The following CSMD1 variants were observed in gnomAD, a reference collection of about 807,000 sequenced individuals.
CSMD1 encodes the protein CUB and sushi domain-containing protein 1.
A neutral mutation model predicts 417.5 loss-of-function variants in CSMD1; 213 were observed. That is an observed-to-expected ratio of 0.51 (90% CI 0.46 to 0.57). The LOEUF (loss-of-function observed/expected upper bound fraction) is 0.57, where lower values mean the gene tolerates loss of function less well. Among genes scored for constraint, CSMD1 ranks in the 20% least tolerant of loss-of-function variants. The pLI is 0.00. For missense variants in CSMD1, 6,923 were observed against 4,529.7 expected, an observed-to-expected ratio of 1.53 and a Z score of -15.17; for synonymous variants, 2,862 against 1,736.8, an observed-to-expected ratio of 1.65 and a Z score of -16.11.
At chr8:4,951,794 T>A (rs1808766795) in intron 1 of CSMD1, among the ~76,000 whole-genome samples, 1 of 151,816 alleles carries the variant, frequency 6.6e-6, no homozygotes. Flanking sequence ...TGGTGAAAGA[T>A]ATTTCTGAGC....
At chr8:4,126,557 T>A (rs148386607) in intron 3 of CSMD1, among the ~76,000 whole-genome samples, 1 of 152,110 alleles carries the variant, frequency 6.6e-6, no homozygotes, top group East Asian at 1.9e-4. Context: ...TGATCCACAA[T>A]TGTGGGATGG....
chr8:3,118,951 C>A lies in CSMD1; in HGVS notation c.6242-364G>T, dbSNP rs372613446. On this transcript the variant is annotated intron_variant, in intron 41 of 69. Transcript: ENST00000635120. Reference sequence around the variant, plus strand: ...ATCCCAGCACTCTGGGAGGCCGAGGCGGGAGGATCACGAGGTCAGGAGATC... The same window carrying A: ...ATCCCAGCACTCTGGGAGGCCGAGGAGGGAGGATCACGAGGTCAGGAGATC... 4.7e-4 allele frequency among the ~76,000 whole-genome samples: 72 copies of A among 152,186 alleles called. 1 individual carries two copies. The East Asian group carries it at 0.012, about 26-fold the overall frequency.
chr8:4,801,056 G>A (rs1448891775), intron 1 of CSMD1, among the ~76,000 whole-genome samples: 1 of 151,888 alleles, frequency 6.6e-6, no homozygotes, highest in African/African-American at 2.4e-5. Context: ...AAAAGTAAAA[G>A]GGAAAAAAAC....
At chr8:3,884,150 A>G (rs1806395082) in intron 5 of CSMD1, among the ~76,000 whole-genome samples, 1 of 152,220 alleles carries the variant, frequency 6.6e-6, no homozygotes, top group South Asian at 2.1e-4. Flanking sequence ...CTAAGAAAAT[A>G]TTTAGGGAAA....
intron 3 of CSMD1, among the ~76,000 whole-genome samples, chr8:4,159,074 C>T (rs1032900784): frequency 2.0e-5 from 3 of 152,066 alleles, no homozygotes; most frequent in African/African-American, 4.8e-5. Flanking sequence ...CACCACCAGG[C>T]CCAGCTAATT....
chr8:4,486,389 T>G (rs1801420164), intron 2 of CSMD1, among the ~76,000 whole-genome samples: 1 of 150,804 alleles, frequency 6.6e-6, no homozygotes, highest in African/African-American at 2.4e-5. Flanking sequence ...CCTTCTCATT[T>G]TTACTTCCAG....
chr8:4,521,819 G>A (rs1382827496), intron 2 of CSMD1, among the ~76,000 whole-genome samples: 2 of 152,162 alleles, frequency 1.3e-5, no homozygotes, highest in Non-Finnish European at 2.9e-5. Flanking sequence ...GTGGCCTACT[G>A]TATGGTTACT....
chr8:3,678,795 G>C (rs566428500), intron 7 of CSMD1, among the ~76,000 whole-genome samples: 17 of 152,190 alleles, frequency 1.1e-4, no homozygotes, highest in South Asian at 2.1e-4. Context: ...GAGAAAGGTC[G>C]GGTTACCCAC....
chr8:3,210,739 C>A (rs976173153), intron 30 of CSMD1, among the ~76,000 whole-genome samples: 1 of 150,214 alleles, frequency 6.7e-6, no homozygotes, highest in African/African-American at 2.4e-5. Flanking sequence ...TTTTCTTTAG[C>A]CACAGAAAAG....
At chr8:3,253,598 C>A (rs1800431777) in intron 26 of CSMD1, among the ~76,000 whole-genome samples, 1 of 152,142 alleles carries the variant, frequency 6.6e-6, no homozygotes, top group Non-Finnish European at 1.5e-5. Context: ...AACTTCCTGT[C>A]TCATTGATCT....
intron 25 of CSMD1, among the ~76,000 whole-genome samples, chr8:3,289,852 T>C (rs1017126812): frequency 6.8e-6 from 1 of 147,644 alleles, no homozygotes; most frequent in African/African-American, 2.7e-5. Context: ...TTGTCAGTTT[T>C]GGCTTTTGTT....
Position 3,412,439 on chromosome 8 carries a change from G to T in CSMD1, c.1562-2834C>A, listed in dbSNP as rs572089955. 6.6e-5 allele frequency among the ~76,000 whole-genome samples: 10 copies of T among 152,204 alleles called. No individual in the cohort carries two copies. The South Asian group carries it at 1.9e-3, about 28-fold the overall frequency. On this transcript the variant is annotated intron_variant, in intron 12 of 69. Coordinates refer to ENST00000635120, the MANE Select transcript of CSMD1 (RefSeq NM_033225.6). ...GTGAGGGATATAGAAACGTTCAGAG[G>T]TTGATCCAGAGATGTTATATTGCAT...
At position 2,950,487 on chromosome 8, in the gene CSMD1, A is replaced by C. The variant is rs1166106079; in HGVS notation, c.10202-144T>G. On this transcript the variant is annotated intron_variant, in intron 66 of 69. Transcript: ENST00000635120. ...AACAGAAATTGTATTTTTATTTGTG[A>C]ATTTTAGCTTAGGAGCTTCCATTTT... The C allele has an allele frequency of 6.6e-6, 4 of 604,558 alleles. No individual in the cohort carries two copies. The African/African-American group carries it at 7.4e-5, about 11-fold the overall frequency. 37.4% of individuals were successfully genotyped at this position (604,558 alleles called of 1,614,324 possible). A position where few individuals can be genotyped will look rare whatever the true frequency, so the allele number is the denominator to read the frequency against.
chr8:3,666,625 G>A (rs993963337), intron 7 of CSMD1, among the ~76,000 whole-genome samples: 1 of 152,144 alleles, frequency 6.6e-6, no homozygotes, highest in Non-Finnish European at 1.5e-5. Context: ...GAGGGACCCA[G>A]AGGGAGATAA....
chr8:4,286,557 G>C (rs186644371), intron 3 of CSMD1, among the ~76,000 whole-genome samples: 76 of 152,168 alleles, frequency 5.0e-4, no homozygotes, highest in African/African-American at 1.8e-3. Flanking sequence ...ACATGGGCAT[G>C]ATCACGAGGA....
chr8:4,648,305 TCCTGCTTCCCCA>T (rs1244114460), intron 1 of CSMD1, among the ~76,000 whole-genome samples: 1 of 152,204 alleles, frequency 6.6e-6, no homozygotes, highest in African/African-American at 2.4e-5. Context: ...TTTATCTTGT[TCCTGCTTCCCCA>T]CCTGTGAGTC....
chr8:4,513,496 T>A (rs1802939902), intron 2 of CSMD1, among the ~76,000 whole-genome samples: 2 of 152,202 alleles, frequency 1.3e-5, no homozygotes, highest in South Asian at 4.1e-4. Context: ...AATGTCGGAC[T>A]GTAACATTTA....
At position 3,199,763 on chromosome 8, in the gene CSMD1, G is replaced by T. The variant is rs1197165759; in HGVS notation, c.5145C>A (p.Phe1715Leu). 3.8e-6 allele frequency: 6 copies of T among 1,587,636 alleles called. No homozygotes were observed. The highest frequency in any genetic ancestry group is 4.3e-6 in the Non-Finnish European group (5 of 1,166,564). Residue 1715 changes from phenylalanine (F) to leucine (L), a missense_variant, in exon 33 of 70, where the codon TTC becomes TTA. Physicochemically the swap from Phe to Leu is conservative, Grantham distance 22. Transcript: ENST00000635120. ...LATSNQILLR[F>L]SAKSGASARG... ...GGGCAGAGGCACCGCTCTTTGCACT[G>T]AATCGGAGCAGAATTTGATTTGACG...
intron 10 of CSMD1, among the ~76,000 whole-genome samples, chr8:3,573,883 GT>G (rs1033313685): frequency 2.0e-5 from 3 of 151,548 alleles, no homozygotes; most frequent in South Asian, 4.2e-4. Flanking sequence ...TTTCCTCACA[GT>G]TTTTTTTAAG....
Sources: gnomAD v4.1 joint callset for allele counts (sites outside exome capture counted in the v4.1 genomes callset) on GRCh38, gnomAD v4.1.1 for gene constraint, MANE v1.5 for transcripts, NCBI Gene and HGNC (gene_info 2026-07-23, HGNC 2026-07-21) for gene names.